The following ATP5MF variants were observed in gnomAD, a reference collection of about 807,000 sequenced individuals.
ATP5MF encodes the protein ATP synthase F(0) complex subunit f, mitochondrial.
A neutral mutation model predicts 13.8 loss-of-function variants in ATP5MF; 10 were observed. That is an observed-to-expected ratio of 0.72 (90% CI 0.45 to 1.23). The LOEUF is 1.23. ATP5MF is among the 50% of genes most tolerant of loss of function. The pLI, the probability that ATP5MF is intolerant of heterozygous loss-of-function variation, is 0.00. For synonymous variants in ATP5MF, 40 were observed against 45.8 expected (o/e 0.87, Z 0.51); for missense variants, 122 against 118.2 (o/e 1.03, Z -0.15).
At chr7:99,459,105 C>A in intron 3 of ATP5MF, 42 bp downstream of exon 3, 1 of 1,473,248 alleles carries the variant, frequency 6.8e-7, no homozygotes, top group Non-Finnish European at 9.5e-7. Flanking sequence ...CACCACCACC[C>A]TCTCATGGGA....
chr7:99,458,248 A>G lies in ATP5MF; in HGVS notation c.*79T>C. 1 of 1,426,568 alleles carries G rather than the reference A, an allele frequency of 7.0e-7. No individual in the cohort carries two copies. The highest frequency in any genetic ancestry group is 9.7e-7 in the Non-Finnish European group (1 of 1,030,752). The allele number at this position is 1,426,568 out of a possible 1,614,324, so 88.4% of individuals were successfully genotyped here. ...TTCCTATTAGGATATGAAAGGATTC[A>G]GCAACGATTGAGATTGTGTTCCTCA... On this transcript the variant is annotated 3_prime_UTR_variant, in exon 4 of 4. Coordinates refer to ENST00000292475, the MANE Select transcript of ATP5MF (RefSeq NM_004889.5).
chr7:99,459,376 A>G, intron 2 of ATP5MF, 113 bp from the exon 3 acceptor site: 2 of 786,654 alleles, frequency 2.5e-6, no homozygotes, highest in Non-Finnish European at 4.4e-6. Flanking sequence ...TGGCTGTTTA[A>G]GCCCCTCGCC....
At chr7:99,462,360 A>G (rs1584532886) in intron 1 of ATP5MF, among the ~76,000 whole-genome samples, 1 of 149,490 alleles carries the variant, frequency 6.7e-6, no homozygotes, top group African/African-American at 2.5e-5. Flanking sequence ...CCTAGCTACT[A>G]GGGAGGCTGA....
At position 99,466,108 on chromosome 7, in the gene ATP5MF, T is replaced by TACCTGGGGCCGGACACTC. The variant is rs1205711208; in HGVS notation, c.16_31+2dup. The TACCTGGGGCCGGACACTC allele has an allele frequency of 6.2e-7, 1 of 1,614,020 alleles. No individual in the cohort carries two copies. Among genetic ancestry groups the TACCTGGGGCCGGACACTC allele is most frequent in the East Asian group, 2.2e-5 (1 of 44,888 alleles). ...TTCCACCACGGAGTCCAAACAGCCT[T>TACCTGGGGCCGGACACTC]ACCTGGGGCCGGACACTCACCAACT... On this transcript the variant is annotated splice_region_variant and intron_variant, in intron 1 of 3. Transcript: ENST00000292475.
At position 99,465,439 on chromosome 7, in the gene ATP5MF, A is replaced by C. The variant is rs1584537518; in HGVS notation, c.31+672T>G. ...ACAAGGACTCTCTGACAAGGCTACT[A>C]TGGAGCATCTAGGGCTAACTATTCA... On this transcript the variant is annotated intron_variant, in intron 1 of 3. Transcript: ENST00000292475. Among the ~76,000 whole-genome samples, 3 of 152,294 alleles carry C rather than the reference A, an allele frequency of 2.0e-5. No individual in the cohort carries two copies. In the East Asian group the frequency reaches 5.8e-4, roughly 29 times the overall value.
intron 3 of ATP5MF, 38 bp from the exon 4 acceptor site, chr7:99,458,393 G>A (rs763804730): frequency 6.3e-7 from 1 of 1,592,014 alleles, no homozygotes; most frequent in South Asian, 1.1e-5. Context: ...TATCTTAAAA[G>A]GTTACAGTGA....
intron 1 of ATP5MF, among the ~76,000 whole-genome samples, chr7:99,460,783 T>A (rs115541951): frequency 6.6e-6 from 1 of 152,082 alleles, no homozygotes; most frequent in African/African-American, 2.4e-5. Flanking sequence ...TCACTCAGAC[T>A]TGACGCACTT....
chr7:99,464,725 T>A (rs1798774912), intron 1 of ATP5MF, among the ~76,000 whole-genome samples: 1 of 147,760 alleles, frequency 6.8e-6, no homozygotes, highest in Admixed American at 6.8e-5. Flanking sequence ...CTTTGGGAGG[T>A]CGAAGCAGGT....
intron 1 of ATP5MF, 67 bp from the exon 2 acceptor site, chr7:99,460,260 C>A (rs1472218129): frequency 1.3e-6 from 2 of 1,551,198 alleles, no homozygotes; most frequent in Non-Finnish European, 8.9e-7. Flanking sequence ...GGCATCCTTT[C>A]CTGCCACTGC....
rs767422866 is a variant in ATP5MF at position 99,458,361 on chromosome 7, G to A, written c.257-6C>T. 7 of 1,606,850 alleles carry A rather than the reference G, an allele frequency of 4.4e-6. No individual in the cohort carries two copies. Among genetic ancestry groups the A allele is most frequent in the Non-Finnish European group, 5.9e-6 (7 of 1,177,556 alleles). On this transcript the variant is annotated splice_region_variant and splice_polypyrimidine_tract_variant and intron_variant, in intron 3 of 3. Transcript: ENST00000292475. ...TTTGCGGAGCCGCTCGTGCTCTGAA[G>A]TCAGGAAGGCAAGATGGTAAGTATC...
chr7:99,460,318 C>T, intron 1 of ATP5MF, 125 bp from the exon 2 acceptor site: 1 of 1,026,894 alleles, frequency 9.7e-7, no homozygotes, highest in Non-Finnish European at 1.5e-6. Context: ...AGAGGCTGCA[C>T]ATACACAATA....
chr7:99,460,326 A>G (rs1364809167), intron 1 of ATP5MF, 133 bp from the exon 2 acceptor site: 4 of 976,502 alleles, frequency 4.1e-6, no homozygotes, highest in East Asian at 2.4e-5. Context: ...CACATACACA[A>G]TATTATGAAG....
intron 1 of ATP5MF, among the ~76,000 whole-genome samples, chr7:99,463,797 A>AAT (rs1211850885): frequency 3.3e-5 from 5 of 152,082 alleles, no homozygotes; most frequent in Admixed American, 2.6e-4. Flanking sequence ...TAAATAAATA[A>AAT]AAATAAAATA....
At chr7:99,465,510 T>C (rs1445225651) in intron 1 of ATP5MF, among the ~76,000 whole-genome samples, 1 of 152,152 alleles carries the variant, frequency 6.6e-6, no homozygotes, top group Non-Finnish European at 1.5e-5. Context: ...GGGATGAATG[T>C]AGCGATTTAC....
At position 99,458,340 on chromosome 7, in the gene ATP5MF, C is replaced by T. The variant is rs777324521; in HGVS notation, c.272G>A (p.Arg91His). The T allele has an allele frequency of 1.5e-5, 24 of 1,608,264 alleles. No individual in the cohort carries two copies. The highest frequency in any genetic ancestry group is 6.7e-5 in the East Asian group (3 of 44,720). ...SYKHLKHERL[R>H]KYH ...AGTGTGTCCTCTTCAGTGGTATTTG[C>T]GGAGCCGCTCGTGCTCTGAAGTCAG... The change falls in exon 4 of 4, where the codon CGC (arginine) becomes CAC (histidine). Residue 91 changes from arginine to histidine, a missense_variant. Arg to His is a conservative substitution (Grantham distance 29, BLOSUM62 0). Coordinates refer to ENST00000292475, the MANE Select transcript of ATP5MF (RefSeq NM_004889.5).
intron 1 of ATP5MF, 118 bp from the exon 2 acceptor site, chr7:99,460,311 G>A: frequency 9.1e-7 from 1 of 1,092,922 alleles, no homozygotes. Flanking sequence ...ATTACACAGA[G>A]GCTGCACATA....
chr7:99,458,288 C>T lies in ATP5MF; in HGVS notation c.*39G>A, dbSNP rs1409798480. On this transcript the variant is annotated 3_prime_UTR_variant, in exon 4 of 4. Coordinates refer to ENST00000292475, the MANE Select transcript of ATP5MF (RefSeq NM_004889.5). Reference sequence around the variant, plus strand: ...TGTGTTCCTCACGGAGGGGCTCGGGCCAAGGTCGTGGGGTGGGGGGGTGCA... The same window carrying T: ...TGTGTTCCTCACGGAGGGGCTCGGGTCAAGGTCGTGGGGTGGGGGGGTGCA... 2 of 1,603,782 alleles carry T rather than the reference C, an allele frequency of 1.2e-6. No homozygotes were observed. Among genetic ancestry groups the T allele is most frequent in the South Asian group, 2.2e-5 (2 of 88,922 alleles).
chr7:99,462,779 T>C (rs916790090), intron 1 of ATP5MF, among the ~76,000 whole-genome samples: 1 of 152,158 alleles, frequency 6.6e-6, no homozygotes, highest in African/African-American at 2.4e-5. Context: ...TCTATACTTA[T>C]TCCACGAATT....
chr7:99,458,554 G>A (rs1031814373), intron 3 of ATP5MF, among the ~76,000 whole-genome samples, 199 bp from the exon 4 acceptor site: 7 of 152,110 alleles, frequency 4.6e-5, no homozygotes, highest in African/African-American at 1.7e-4. Flanking sequence ...CCTGCCACCT[G>A]GCCAACCACT....
Sources: gnomAD v4.1 joint callset for allele counts (sites outside exome capture counted in the v4.1 genomes callset) on GRCh38, gnomAD v4.1.1 for gene constraint, MANE v1.5 for transcripts, NCBI Gene and HGNC (gene_info 2026-07-23, HGNC 2026-07-21) for gene names.